The following ITGB5 variants were observed in gnomAD, a reference collection of about 807,000 sequenced individuals.
ITGB5 encodes integrin subunit beta 5.
Under a neutral mutation model 84.8 loss-of-function variants are expected in ITGB5, and 38 were observed. The ratio of observed to expected loss-of-function variants is 0.45; its 90% CI spans 0.35 to 0.59. ITGB5 has a LOEUF of 0.59. Among genes scored for constraint, ITGB5 ranks in the 20% least tolerant of loss-of-function variants. The pLI is 0.01. For synonymous variants in ITGB5, 393 were observed against 414.4 expected, an observed-to-expected ratio of 0.95 and a Z score of 0.63; for missense variants, 905 against 1,034.5, an observed-to-expected ratio of 0.87 and a Z score of 1.72.
Position 124,769,299 on chromosome 3 carries a change from G to A in ITGB5, c.1917-186C>T, listed in dbSNP as rs2063809292. The A allele has an allele frequency of 3.7e-5, 21 of 569,350 alleles. No individual in the cohort carries two copies. In the South Asian group the frequency reaches 4.8e-4, roughly 13 times the overall value. The allele number at this position is 569,350 out of a possible 1,614,324, so 35.3% of individuals were successfully genotyped here. A position where few individuals can be genotyped will look rare whatever the true frequency, so the allele number is the denominator to read the frequency against. ...TATGGGAGGAAGCCCAAGGGTTCTTGGAGGAGCCTGTGTGAGTTTAGTGGC... is the reference window on the plus strand; with the variant it reads ...TATGGGAGGAAGCCCAAGGGTTCTTAGAGGAGCCTGTGTGAGTTTAGTGGC... On this transcript the variant is annotated intron_variant, in intron 11 of 14. Coordinates refer to ENST00000296181, the MANE Select transcript of ITGB5 (RefSeq NM_002213.5).
intron 3 of ITGB5, among the ~76,000 whole-genome samples, chr3:124,858,121 G>A (rs1302763726): frequency 2.1e-5 from 3 of 140,070 alleles, no homozygotes; most frequent in South Asian, 2.3e-4. Flanking sequence ...GTGACAGAGC[G>A]ATACCCCATC....
chr3:124,796,503 C>T lies in ITGB5; in HGVS notation c.1578G>A (p.Gly526=). 1.9e-6 allele frequency: 3 copies of T among 1,614,118 alleles called. No homozygotes were observed. The highest frequency in any genetic ancestry group is 2.5e-6 in the Non-Finnish European group (3 of 1,180,000). ...AGGAGCACTGGTTGCAGCTGCAGTC[C>T]CCACGCCCGCTGCACAGTGGCTTGC... ...AEGKPLCSGR[G]DCSCNQCSCF... Residue 526 remains glycine, a synonymous_variant, in exon 10 of 15, where the codon GGG becomes GGA. Transcript: ENST00000296181.
intron 10 of ITGB5, among the ~76,000 whole-genome samples, chr3:124,777,923 C>T (rs2063948029): frequency 6.6e-6 from 1 of 152,236 alleles, no homozygotes; most frequent in East Asian, 1.9e-4. Flanking sequence ...CAGCCCCAGA[C>T]CCTCCTACTG....
chr3:124,885,282 AT>A (rs1341987673), intron 1 of ITGB5, among the ~76,000 whole-genome samples: 1 of 152,128 alleles, frequency 6.6e-6, no homozygotes, highest in Non-Finnish European at 1.5e-5. Flanking sequence ...AAAAAAAAAA[AT>A]TATTTGCAAC....
In ITGB5 at chr3:124,809,080, T is replaced by C. The variant is rs536114448; in HGVS notation, c.1205A>G (p.Gln402Arg). ...CTGACCAGGATAGGATACCCCATCT[T>C]GGCAGGTAGCAGTAAAGAAGAGATT... The part of the protein sequence containing the change: ...DLNLFFTATC[Q>R]DGVSYPGQRK... Residue 402 changes from glutamine (Q) to arginine (R), a missense_variant, in exon 9 of 15, where the codon CAA becomes CGA. Physicochemically the swap from Gln to Arg is conservative, Grantham distance 43 (BLOSUM62 1). This residue lies in a region of ITGB5 where 656 missense variants were observed against 734.7 expected (regional missense o/e 0.89). Coordinates refer to ENST00000296181, the MANE Select transcript of ITGB5 (RefSeq NM_002213.5). The C allele has an allele frequency of 6.2e-7, 1 of 1,614,148 alleles. No homozygotes were observed. Among genetic ancestry groups the C allele is most frequent in the Non-Finnish European group, 8.5e-7 (1 of 1,180,022 alleles).
At chr3:124,875,476 CAAA>C (rs35782965) in intron 1 of ITGB5, among the ~76,000 whole-genome samples, 3 of 104,666 alleles carry the variant, frequency 2.9e-5, no homozygotes, top group Non-Finnish European at 1.9e-5. Context: ...GACTCTGTCT[CAAA>C]AAAAAAAAAA....
intron 9 of ITGB5, among the ~76,000 whole-genome samples, chr3:124,805,863 C>A (rs536953741): frequency 6.6e-6 from 1 of 152,226 alleles, no homozygotes; most frequent in South Asian, 2.1e-4. Context: ...TAGTAACATT[C>A]TGAACTAAAA....
intron 1 of ITGB5, among the ~76,000 whole-genome samples, chr3:124,879,204 A>G (rs1157153346): frequency 6.6e-6 from 1 of 152,166 alleles, no homozygotes; most frequent in Non-Finnish European, 1.5e-5. Flanking sequence ...AATTCCTGCC[A>G]TAGCCTCCTG....
rs1297695847 is a variant in ITGB5 at position 124,763,414 on chromosome 3, G to A, written c.*209C>T. On this transcript the variant is annotated 3_prime_UTR_variant, in exon 15 of 15. Transcript: ENST00000296181. Reference sequence around the variant, plus strand: ...TGCTTTATCCCAAGCTCGGAGGGACGCAGCCTGGCATGGCTCTGGCCTAGC... The same window carrying A: ...TGCTTTATCCCAAGCTCGGAGGGACACAGCCTGGCATGGCTCTGGCCTAGC... 1.2e-5 allele frequency: 5 copies of A among 411,674 alleles called. No individual in the cohort carries two copies. The East Asian group carries it at 1.2e-4, about 10-fold the overall frequency. 25.5% of individuals were successfully genotyped at this position (411,674 alleles called of 1,614,324 possible). A position where few individuals can be genotyped will look rare whatever the true frequency, so the allele number is the denominator to read the frequency against.
At chr3:124,875,134 T>A (rs747955706) in intron 1 of ITGB5, among the ~76,000 whole-genome samples, 2 of 152,084 alleles carry the variant, frequency 1.3e-5, no homozygotes. Context: ...TCCAAATACA[T>A]AAAGAATTCA....
At chr3:124,792,102 C>T (rs1256803769) in intron 10 of ITGB5, 1 of 152,168 alleles carries the variant, frequency 6.6e-6, no homozygotes, top group Non-Finnish European at 1.5e-5. Context: ...GATAGCGTCA[C>T]GTTTCAACTA....
At chr3:124,796,866 C>T in intron 9 of ITGB5, 49 bp from the exon 10 acceptor site, 1 of 1,534,814 alleles carries the variant, frequency 6.5e-7, no homozygotes, top group Non-Finnish European at 8.8e-7. Flanking sequence ...AAGCCAGGGT[C>T]TCCCATTCAC....
chr3:124,900,829 A>G (rs1935201615), intron 1 of ITGB5, among the ~76,000 whole-genome samples: 2 of 152,302 alleles, frequency 1.3e-5, no homozygotes, highest in African/African-American at 2.4e-5. Flanking sequence ...ATTTTGTACA[A>G]TCACCGCTAA....
intron 2 of ITGB5, chr3:124,863,068 G>C (rs1306224077): frequency 6.6e-6 from 1 of 152,222 alleles, no homozygotes; most frequent in Non-Finnish European, 1.5e-5. Flanking sequence ...TCAGTGCCAG[G>C]CATCTCTATC....
chr3:124,780,453 C>T (rs1404865711), intron 10 of ITGB5, among the ~76,000 whole-genome samples: 1 of 152,232 alleles, frequency 6.6e-6, no homozygotes, highest in Non-Finnish European at 1.5e-5. Context: ...CCATAGCTGG[C>T]TCAAAAATAG....
intron 1 of ITGB5, among the ~76,000 whole-genome samples, chr3:124,896,900 A>G (rs1448450809): frequency 6.9e-6 from 1 of 145,500 alleles, no homozygotes; most frequent in African/African-American, 2.6e-5. Context: ...GTCTCTACAA[A>G]AGAAAAAAGA....
upstream of ITGB5, among the ~76,000 whole-genome samples, chr3:124,891,509 G>A (rs1935000773): frequency 6.6e-6 from 1 of 150,908 alleles, no homozygotes; most frequent in South Asian, 2.1e-4. Flanking sequence ...GGGAGACTGA[G>A]GAGACAGAAT....
At chr3:124,844,803 G>A (rs115371538) in intron 4 of ITGB5, among the ~76,000 whole-genome samples, 250 of 152,296 alleles carry the variant, frequency 1.6e-3, no homozygotes, top group African/African-American at 5.7e-3. Context: ...AAAGCAGCAC[G>A]GAAGCTGACC....
chr3:124,879,238 C>G (rs774885284), intron 1 of ITGB5, among the ~76,000 whole-genome samples: 5 of 152,226 alleles, frequency 3.3e-5, no homozygotes, highest in Non-Finnish European at 7.3e-5. Flanking sequence ...CATTCAGCCT[C>G]TCTCCACTTC....
Sources: gnomAD v4.1 joint callset for allele counts (sites outside exome capture counted in the v4.1 genomes callset) on GRCh38, gnomAD v4.1.1 for gene constraint, gnomAD v4.1.1 regional missense constraint, MANE v1.5 for transcripts, NCBI Gene and HGNC (gene_info 2026-07-23, HGNC 2026-07-21) for gene names.